Variants in MSRB3 observed in about 807,000 individuals in gnomAD.
MSRB3 encodes methionine sulfoxide reductase B3.
A neutral mutation model predicts 21.0 loss-of-function variants in MSRB3; 13 were observed. The observed-to-expected ratio is 0.62, with a 90% CI of 0.40 to 0.98. The LOEUF (loss-of-function observed/expected upper bound fraction) is 0.98, where lower values mean the gene tolerates loss of function less well. Among genes scored for constraint, MSRB3 ranks in the 50% least tolerant of loss-of-function variants. The pLI is 0.00. For missense variants in MSRB3, 199 were observed against 230.3 expected (o/e 0.86, Z 0.88); for synonymous variants, 87 against 88.6 (o/e 0.98, Z 0.10).
At chr12:65,287,341 A>T (rs1872425201) in intron 1 of MSRB3, among the ~76,000 whole-genome samples, 1 of 152,000 alleles carries the variant, frequency 6.6e-6, no homozygotes, top group Non-Finnish European at 1.5e-5. Flanking sequence ...TTTCCCAGGT[A>T]GGTCTTGAAC....
chr12:65,309,064 G>A, intron 2 of MSRB3: 1 of 218,654 alleles, frequency 4.6e-6, no homozygotes, highest in Non-Finnish European at 9.3e-6. Context: ...ATTCCTTTAG[G>A]AAAAAATGAA....
intron 2 of MSRB3, among the ~76,000 whole-genome samples, chr12:65,313,524 T>C (rs746650616): frequency 1.3e-5 from 2 of 152,124 alleles, no homozygotes; most frequent in Non-Finnish European, 2.9e-5. Context: ...TTTCATATAA[T>C]TTCAAGAAAT....
chr12:65,290,245 T>C (rs1872599303), intron 1 of MSRB3, among the ~76,000 whole-genome samples: 1 of 152,162 alleles, frequency 6.6e-6, no homozygotes, highest in Non-Finnish European at 1.5e-5. Context: ...GGAAGTACAA[T>C]ATCATCATGA....
chr12:65,444,297 C>G (rs1296466972), intron 5 of MSRB3, among the ~76,000 whole-genome samples: 1 of 152,164 alleles, frequency 6.6e-6, no homozygotes, highest in Non-Finnish European at 1.5e-5. Context: ...TAAGGCATTA[C>G]AGCCATTGAC....
chr12:65,438,687 T>TG (rs1418009068), intron 5 of MSRB3, among the ~76,000 whole-genome samples: 5 of 151,736 alleles, frequency 3.3e-5, no homozygotes, highest in Non-Finnish European at 5.9e-5. Context: ...TTCCAAAGGC[T>TG]TTATTTTACT....
At chr12:65,438,573 A>G (rs1213734082) in intron 5 of MSRB3, among the ~76,000 whole-genome samples, 5 of 151,880 alleles carry the variant, frequency 3.3e-5, no homozygotes, top group African/African-American at 1.2e-4. Context: ...TTAGGTTAGC[A>G]TTCAGTTTCT....
intron 5 of MSRB3, among the ~76,000 whole-genome samples, chr12:65,393,297 A>G (rs1225692537): frequency 1.3e-5 from 2 of 152,168 alleles, no homozygotes; most frequent in African/African-American, 4.8e-5. Context: ...TTATTTTCAA[A>G]TTGAAGAATT....
At chr12:65,327,551 C>T (rs1401961426) in intron 3 of MSRB3, among the ~76,000 whole-genome samples, 1 of 152,238 alleles carries the variant, frequency 6.6e-6, no homozygotes, top group Non-Finnish European at 1.5e-5. Context: ...AAGCCTCTCT[C>T]AGCTGATTCC....
At chr12:65,378,067 A>AT (rs1200689272) in intron 5 of MSRB3, among the ~76,000 whole-genome samples, 1 of 152,094 alleles carries the variant, frequency 6.6e-6, no homozygotes, top group Admixed American at 6.6e-5. Flanking sequence ...AGCCACTAAG[A>AT]TTTTTCTATC....
intron 4 of MSRB3, among the ~76,000 whole-genome samples, chr12:65,354,271 G>A (rs7307267): frequency 0.087 from 13,138 of 151,854 alleles, 1,935 homozygotes; most frequent in African/African-American, 0.3. Context: ...GAATGTTGGC[G>A]TGCCCTGCTA....
intron 5 of MSRB3, among the ~76,000 whole-genome samples, chr12:65,427,148 G>A (rs967242265): frequency 2.6e-5 from 4 of 152,104 alleles, no homozygotes; most frequent in African/African-American, 7.2e-5. Context: ...CACATTTGGT[G>A]GAACAGTCAC....
intron 4 of MSRB3, among the ~76,000 whole-genome samples, chr12:65,349,068 C>T (rs1876744791): frequency 6.6e-6 from 1 of 151,980 alleles, no homozygotes; most frequent in Non-Finnish European, 1.5e-5. Context: ...TTCTCCCCAC[C>T]CCACCACAGT....
chr12:65,376,338 C>T (rs1878621155), intron 5 of MSRB3, among the ~76,000 whole-genome samples: 1 of 152,078 alleles, frequency 6.6e-6, no homozygotes, highest in South Asian at 2.1e-4. Flanking sequence ...CCAGGATGGC[C>T]TCTATCTCCT....
chr12:65,411,289 G>A (rs1196559534), intron 5 of MSRB3, among the ~76,000 whole-genome samples: 1 of 152,120 alleles, frequency 6.6e-6, no homozygotes, highest in African/African-American at 2.4e-5. Context: ...TCTTCCAAAA[G>A]TTTAGAGGAA....
chr12:65,410,757 T>A (rs1880673876), intron 5 of MSRB3, among the ~76,000 whole-genome samples: 1 of 152,164 alleles, frequency 6.6e-6, no homozygotes, highest in South Asian at 2.1e-4. Flanking sequence ...CTTCATGGGG[T>A]TGTTGAGAGA....
chr12:65,329,798 G>GA (rs1298374434), intron 4 of MSRB3, among the ~76,000 whole-genome samples: 8 of 152,112 alleles, frequency 5.3e-5, no homozygotes, highest in Admixed American at 5.2e-4. Context: ...AGCATTTACT[G>GA]ATTTTCCAGA....
chr12:65,352,634 A>G (rs1187780611), intron 4 of MSRB3, among the ~76,000 whole-genome samples: 12 of 151,912 alleles, frequency 7.9e-5, no homozygotes, highest in Admixed American at 7.9e-4. Context: ...TACAAAATCA[A>G]TGTACAAAAA....
In MSRB3 at chr12:65,353,817, G is replaced by T. The variant is rs546253224; in HGVS notation, c.264-15181G>T. Among the ~76,000 whole-genome samples the T allele has an allele frequency of 1.1e-4, 16 of 152,238 alleles. No individual in the cohort carries two copies. The South Asian group carries it at 3.3e-3, about 32-fold the overall frequency. On this transcript the variant is annotated intron_variant, in intron 4 of 6. Transcript: ENST00000308259. ...CGTTAGTTGATGCAGTTTCTTCTTA[G>T]CCTCGATGGTCTTCACAATTTGGCA...
chr12:65,397,949 T>C (rs933678940), intron 5 of MSRB3, among the ~76,000 whole-genome samples: 2 of 152,230 alleles, frequency 1.3e-5, no homozygotes, highest in Non-Finnish European at 2.9e-5. Flanking sequence ...CATCCTTTTT[T>C]ATGGCTACAT....
Sources: allele counts gnomAD v4.1 joint callset (sites outside exome capture counted in the v4.1 genomes callset), GRCh38; gene constraint gnomAD v4.1.1; transcripts MANE v1.5; gene names NCBI Gene and HGNC (gene_info 2026-07-23, HGNC 2026-07-21).